Variants in CSNK1G1 observed in about 807,000 individuals in gnomAD.
CSNK1G1 encodes the protein casein kinase 1 gamma 1, also known as casein kinase I isoform gamma-1.
Under a neutral mutation model 59.6 loss-of-function variants are expected in CSNK1G1, and 22 were observed. The ratio of observed to expected loss-of-function variants is 0.37; its 90% confidence interval spans 0.26 to 0.53. CSNK1G1 has a LOEUF of 0.53. Ranked by LOEUF, CSNK1G1 falls within the 20% of genes least tolerant of loss-of-function variation. The pLI is 0.89. For synonymous variants in CSNK1G1, 179 were observed against 177.1 expected, an observed-to-expected ratio of 1.01 and a Z score of -0.08; for missense variants, 384 against 519.5, an observed-to-expected ratio of 0.74 and a Z score of 2.54.
At chr15:64,333,329 G>C (rs1008435386) in intron 1 of CSNK1G1, among the ~76,000 whole-genome samples, 4 of 135,610 alleles carry the variant, frequency 2.9e-5, no homozygotes, top group Non-Finnish European at 4.6e-5. Flanking sequence ...GCTGGGCACA[G>C]TGGCTCATGC....
At chr15:64,203,877 T>C (rs1037192988) in intron 9 of CSNK1G1, among the ~76,000 whole-genome samples, 1 of 152,010 alleles carries the variant, frequency 6.6e-6, no homozygotes, top group African/African-American at 2.4e-5. Context: ...GTGTGGTGGC[T>C]CACGCCTGTA....
rs1212111675 is a variant in CSNK1G1, at chr15:64,188,327, C to T, written c.1108-7873G>A. ...GGTTCAGAAGCAAGCCAACATTCCA[C>T]CAGCCAAGCTGGAAAGGCCAGGAAA... On this transcript the variant is annotated intron_variant, in intron 10 of 11. Coordinates refer to ENST00000303052, the MANE Select transcript of CSNK1G1 (RefSeq NM_022048.5). The surrounding 1 kb of genome is among the most constrained non-coding windows in gnomAD (Gnocchi z 4.2). 7.1e-7 allele frequency: 1 copy of T among 1,415,942 alleles called. No homozygotes were observed. The highest frequency in any genetic ancestry group is 9.6e-7 in the Non-Finnish European group (1 of 1,044,154). 87.7% of individuals were successfully genotyped at this position (1,415,942 alleles called of 1,614,324 possible).
chr15:64,219,762 TTTTTC>T (rs1278075735), intron 4 of CSNK1G1, among the ~76,000 whole-genome samples: 29 of 150,724 alleles, frequency 1.9e-4, no homozygotes, highest in East Asian at 9.7e-4. Context: ...TCTTTTTTTC[TTTTTC>T]TTTTCTTTTC....
chr15:64,187,207 G>A (rs1279688673), intron 10 of CSNK1G1, among the ~76,000 whole-genome samples: 1 of 148,236 alleles, frequency 6.7e-6, no homozygotes, highest in Non-Finnish European at 1.5e-5. Context: ...TTTTTTTGGG[G>A]GGGATGGAGC....
intron 6 of CSNK1G1, among the ~76,000 whole-genome samples, chr15:64,211,855 T>C (rs962495205): frequency 6.6e-6 from 1 of 152,228 alleles, no homozygotes; most frequent in Non-Finnish European, 1.5e-5. Flanking sequence ...TCTGTTCTTG[T>C]CTTTCCTCTT....
intron 1 of CSNK1G1, among the ~76,000 whole-genome samples, chr15:64,352,447 C>CTTCT (rs1566958699): frequency 3.4e-5 from 3 of 89,428 alleles, no homozygotes; most frequent in Non-Finnish European, 6.1e-5. Flanking sequence ...TTGAATTCTT[C>CTTCT]TTTTTTTTTT....
Position 64,235,230 on chromosome 15 carries a change from A to G in CSNK1G1, c.292+16282T>C, listed in dbSNP as rs566491459. Among the ~76,000 whole-genome samples, 9 of 152,324 alleles carry G rather than the reference A, an allele frequency of 5.9e-5. 1 individual carries two copies. Among genetic ancestry groups the G allele is most frequent in the African/African-American group, 1.9e-4 (8 of 41,576 alleles). ...TGACATATCCTGCTGGTCTTCCAGT[A>G]AATCTTCCTTTTGAGTTTAAGCTAA... On this transcript the variant is annotated intron_variant, in intron 4 of 11. Transcript: ENST00000303052.
At chr15:64,236,200 C>G (rs12907909) in intron 4 of CSNK1G1, among the ~76,000 whole-genome samples, 1 of 151,064 alleles carries the variant, frequency 6.6e-6, no homozygotes, top group Non-Finnish European at 1.5e-5. Flanking sequence ...AAAAGTTGAG[C>G]TAAACTTTTT....
intron 4 of CSNK1G1, among the ~76,000 whole-genome samples, chr15:64,250,220 A>G (rs900475180): frequency 1.3e-4 from 20 of 152,276 alleles, no homozygotes; most frequent in African/African-American, 4.6e-4. Flanking sequence ...TTATGCCAAA[A>G]ACACTCCAAT....
chr15:64,269,588 G>C (rs151335614), intron 2 of CSNK1G1, among the ~76,000 whole-genome samples: 2 of 151,534 alleles, frequency 1.3e-5, no homozygotes, highest in South Asian at 4.2e-4. Context: ...CTGCCTCCCG[G>C]GTTCAAGCGA....
At chr15:64,209,624 T>C (rs2082226214) in intron 6 of CSNK1G1, among the ~76,000 whole-genome samples, 1 of 152,066 alleles carries the variant, frequency 6.6e-6, no homozygotes, top group African/African-American at 2.4e-5. Context: ...ACATGGCTTG[T>C]CTGAAGTTTG....
At position 64,176,073 on chromosome 15, in the gene CSNK1G1, A is replaced by G. The variant is rs371547918; in HGVS notation, c.1215-4088T>C. On this transcript the variant is annotated intron_variant, in intron 11 of 11. Transcript: ENST00000303052. This position sits in a 1 kb window ranked among gnomAD's most constrained non-coding sequence, Gnocchi z 5.2. ...CGATAAGATGGGTTTGAAAGAAGGAATAGATTAATTCCTGGGTACAGGCCT... is the reference window on the plus strand; with the variant it reads ...CGATAAGATGGGTTTGAAAGAAGGAGTAGATTAATTCCTGGGTACAGGCCT... 1.3e-4 allele frequency among the ~76,000 whole-genome samples: 20 copies of G among 152,354 alleles called. No individual in the cohort carries two copies. Among genetic ancestry groups the G allele is most frequent in the African/African-American group, 4.8e-4 (20 of 41,588 alleles).
At chr15:64,318,077 G>T (rs1896367782) in intron 1 of CSNK1G1, among the ~76,000 whole-genome samples, 1 of 151,974 alleles carries the variant, frequency 6.6e-6, no homozygotes, top group Admixed American at 6.6e-5. Flanking sequence ...GTTCTTCCAG[G>T]TAGAAGTAAG....
chr15:64,244,519 GA>G (rs996322106), intron 4 of CSNK1G1, among the ~76,000 whole-genome samples: 1 of 152,032 alleles, frequency 6.6e-6, no homozygotes, highest in Non-Finnish European at 1.5e-5. Flanking sequence ...CACAGAAATA[GA>G]AAAAACAATC....
chr15:64,180,424 C>A lies in CSNK1G1; in HGVS notation c.1138G>T (p.Val380Phe). The change falls in exon 11 of 12, where the codon GTT (valine) becomes TTT (phenylalanine). Residue 380 changes from valine (V) to phenylalanine (F), a missense_variant. By Grantham distance (50) the Val-to-Phe change is conservative (BLOSUM62 -1). Transcript: ENST00000303052. The stretch of plus-strand genomic sequence containing the variant: ...GAGTGGGCTCCCGTGGGATCATCAA[C>A]ATTCAGCTCTCCATTGGTTGAGCTA... ...VVSSTNGELN[V>F]DDPTGAHSNA... is the part of the protein sequence containing the mutation. 6.2e-7 allele frequency: 1 copy of A among 1,614,150 alleles called. No homozygotes were observed. The highest frequency in any genetic ancestry group is 8.5e-7 in the Non-Finnish European group (1 of 1,180,008).
At chr15:64,227,511 C>T (rs1055546909) in intron 4 of CSNK1G1, among the ~76,000 whole-genome samples, 22 of 152,168 alleles carry the variant, frequency 1.4e-4, no homozygotes, top group Admixed American at 2.6e-4. Context: ...ACCTGCCCAT[C>T]CAAACAGATT....
intron 11 of CSNK1G1, among the ~76,000 whole-genome samples, chr15:64,177,263 C>T (rs529926293): frequency 6.6e-6 from 1 of 152,122 alleles, no homozygotes; most frequent in Non-Finnish European, 1.5e-5. Context: ...CCCTTCTACC[C>T]CACAAGCAGG....
chr15:64,285,145 T>C (rs1211612052), intron 2 of CSNK1G1, among the ~76,000 whole-genome samples: 2 of 152,124 alleles, frequency 1.3e-5, no homozygotes, highest in Non-Finnish European at 2.9e-5. Context: ...TATAATAAAA[T>C]CTAGATTTAA....
chr15:64,248,412 ATCTT>A (rs112822702), intron 4 of CSNK1G1, among the ~76,000 whole-genome samples: 1,749 of 152,306 alleles, frequency 0.011, 25 homozygotes, highest in African/African-American at 0.033. Context: ...AGCTTATTAA[ATCTT>A]TCTAACTTCT....
Sources: allele counts gnomAD v4.1 joint callset (sites outside exome capture counted in the v4.1 genomes callset), GRCh38; gene constraint gnomAD v4.1.1; non-coding constraint Gnocchi (gnomAD v3.1); transcripts MANE v1.5; gene names NCBI Gene and HGNC (gene_info 2026-07-23, HGNC 2026-07-21).